Variants in TNFSF4 observed in about 807,000 individuals in gnomAD.
The protein encoded by TNFSF4 is TNF superfamily member 4.
In TNFSF4, 4 loss-of-function variants were observed where a neutral mutation model predicts 7.3. That is an observed-to-expected ratio of 0.55 (90% CI 0.27 to 1.25). The LOEUF is 1.25. TNFSF4 is among the 50% of genes most tolerant of loss of function. The pLI is 0.12. For synonymous variants in TNFSF4, 76 were observed against 83.7 expected (o/e 0.91, Z 0.50); for missense variants, 181 against 208.8 (o/e 0.87, Z 0.82).
the TNFSF4 span, among the ~76,000 whole-genome samples, chr1:173,317,237 C>G: frequency 6.6e-6 from 1 of 152,162 alleles, no homozygotes; most frequent in Non-Finnish European, 1.5e-5. Context: ...CATGACTGTC[C>G]CATCCACCAG....
At chr1:173,370,168 T>C in the TNFSF4 span, among the ~76,000 whole-genome samples, 3 of 152,196 alleles carry the variant, frequency 2.0e-5, no homozygotes. Context: ...CTGATAGATA[T>C]ACAGATGTCC....
the TNFSF4 span, among the ~76,000 whole-genome samples, chr1:173,325,984 G>T: frequency 1.3e-5 from 2 of 152,194 alleles, no homozygotes; most frequent in Non-Finnish European, 2.9e-5. Flanking sequence ...CCAATCAATA[G>T]AAAAAGAGGG....
At chr1:173,409,170 G>A in the TNFSF4 span, among the ~76,000 whole-genome samples, 1 of 152,106 alleles carries the variant, frequency 6.6e-6, no homozygotes, top group Admixed American at 6.6e-5. Context: ...AAATGAAGGA[G>A]CATTCCACAG....
At chr1:173,367,012 T>C in the TNFSF4 span, among the ~76,000 whole-genome samples, 1 of 152,208 alleles carries the variant, frequency 6.6e-6, no homozygotes, top group Non-Finnish European at 1.5e-5. Flanking sequence ...GTACACATGA[T>C]TATCCATTTG....
At chr1:173,387,121 G>T in the TNFSF4 span, among the ~76,000 whole-genome samples, 14 of 152,190 alleles carry the variant, frequency 9.2e-5, no homozygotes, top group Non-Finnish European at 2.9e-5. Flanking sequence ...AAGATGTGTG[G>T]GCTATTGGGA....
upstream of TNFSF4, among the ~76,000 whole-genome samples, chr1:173,209,707 T>C (rs1650312710): frequency 6.6e-6 from 1 of 152,094 alleles, no homozygotes. Context: ...CTCCCTATGT[T>C]TCCCAGGCTG....
chr1:173,351,828 C>A, the TNFSF4 span: 1 of 608,882 alleles, frequency 1.6e-6, no homozygotes, highest in Non-Finnish European at 3.0e-6. Context: ...TGAATGGGTG[C>A]AGCAGGAAAA....
At chr1:173,231,182 T>C in the TNFSF4 span, among the ~76,000 whole-genome samples, 2 of 152,232 alleles carry the variant, frequency 1.3e-5, no homozygotes, top group Non-Finnish European at 2.9e-5. Flanking sequence ...TGAACATCGA[T>C]GCAGAAATCC....
At chr1:173,410,415 C>T in the TNFSF4 span, among the ~76,000 whole-genome samples, 3 of 152,104 alleles carry the variant, frequency 2.0e-5, no homozygotes, top group Non-Finnish European at 4.4e-5. Context: ...TACTGGGGCC[C>T]AGGAAAGTAA....
chr1:173,371,319 T>C, the TNFSF4 span, among the ~76,000 whole-genome samples: 991 of 152,334 alleles, frequency 6.5e-3, 14 homozygotes, highest in African/African-American at 0.023. Flanking sequence ...TTGTTATGCC[T>C]GTAAGTCCCA....
the TNFSF4 span, among the ~76,000 whole-genome samples, chr1:173,351,182 G>A: frequency 6.6e-6 from 1 of 152,158 alleles, no homozygotes; most frequent in Non-Finnish European, 1.5e-5. Flanking sequence ...CAGTTACACT[G>A]AATTTTCTTT....
the TNFSF4 span, among the ~76,000 whole-genome samples, chr1:173,325,843 A>G: frequency 6.6e-6 from 1 of 152,236 alleles, no homozygotes; most frequent in African/African-American, 2.4e-5. Flanking sequence ...GAATAGACCA[A>G]TAACAGGCTC....
chr1:173,362,111 T>C, the TNFSF4 span, among the ~76,000 whole-genome samples: 2 of 152,246 alleles, frequency 1.3e-5, no homozygotes, highest in Non-Finnish European at 1.5e-5. Flanking sequence ...GGCAAATAAG[T>C]TAAATACTAA....
chr1:173,240,517 G>A, the TNFSF4 span, among the ~76,000 whole-genome samples: 1 of 152,070 alleles, frequency 6.6e-6, no homozygotes, highest in African/African-American at 2.4e-5. Context: ...GTTGCTAAAT[G>A]TAAACTTAAA....
At chr1:173,189,473 C>T (rs755564747) in intron 1 of TNFSF4, among the ~76,000 whole-genome samples, 1 of 152,152 alleles carries the variant, frequency 6.6e-6, no homozygotes, top group Non-Finnish European at 1.5e-5. Flanking sequence ...AACATTGGAT[C>T]TTTCTCTTCA....
intron 1 of TNFSF4, among the ~76,000 whole-genome samples, chr1:173,202,060 T>C (rs1393495337): frequency 2.7e-5 from 4 of 147,450 alleles, no homozygotes; most frequent in East Asian, 2.0e-4. Flanking sequence ...TATATATACA[T>C]ATATATATAT....
the TNFSF4 span, among the ~76,000 whole-genome samples, chr1:173,234,369 C>A: frequency 1.3e-5 from 2 of 152,282 alleles, no homozygotes; most frequent in African/African-American, 4.8e-5. Context: ...ACTAGTTCAA[C>A]CATTGTGGAA....
chr1:173,357,614 C>T, the TNFSF4 span, among the ~76,000 whole-genome samples: 1 of 152,182 alleles, frequency 6.6e-6, no homozygotes, highest in South Asian at 2.1e-4. Flanking sequence ...TCACTGCAAC[C>T]TCCACTTCCT....
chr1:173,284,114 T>C, the TNFSF4 span, among the ~76,000 whole-genome samples: 1 of 152,124 alleles, frequency 6.6e-6, no homozygotes, highest in African/African-American at 2.4e-5. Context: ...TTAACTCTTT[T>C]TAATTCTAGA....
Sources: gnomAD v4.1 joint callset for allele counts (sites outside exome capture counted in the v4.1 genomes callset) on GRCh38, gnomAD v4.1.1 for gene constraint, MANE v1.5 for transcripts, NCBI Gene and HGNC (gene_info 2026-07-23, HGNC 2026-07-21) for gene names.